COX18: variants seen among roughly 807,000 people sequenced by gnomAD.
COX18 encodes cytochrome c oxidase assembly factor COX18.
COX18 carries 45 observed loss-of-function variants against 38.0 expected under a neutral mutation model. That is an observed-to-expected ratio of 1.18 (90% CI 0.93 to 1.52). The LOEUF (loss-of-function observed/expected upper bound fraction) is 1.52. Ranked by LOEUF, COX18 falls within the 40% of genes most tolerant of loss-of-function variation. The pLI is 0.00. For missense variants in COX18, 462 were observed against 423.8 expected (o/e 1.09, Z -0.79); for synonymous variants, 177 against 169.8 (o/e 1.04, Z -0.33).
At chr4:73,060,789 A>G (rs1251523544) in intron 5 of COX18, among the ~76,000 whole-genome samples, 1 of 151,468 alleles carries the variant, frequency 6.6e-6, no homozygotes, top group Non-Finnish European at 1.5e-5. Context: ...CTGAGGGAGG[A>G]GAACCACTTG....
chr4:73,069,728 C>T (rs760030242), upstream of COX18: 7 of 1,362,870 alleles, frequency 5.1e-6, no homozygotes, highest in African/African-American at 1.4e-5. Context: ...CTGATACGCG[C>T]ACGCGCCAGC....
intron 1 of COX18, 141 bp from the exon 2 acceptor site, chr4:73,068,270 A>T (rs1560477103): frequency 3.5e-6 from 2 of 576,632 alleles, no homozygotes; most frequent in Non-Finnish European, 5.9e-6. Context: ...TAAGCACAAG[A>T]TGTTAATTTG....
At chr4:73,063,106 A>C (rs2110053855) in intron 4 of COX18, among the ~76,000 whole-genome samples, 1 of 152,232 alleles carries the variant, frequency 6.6e-6, no homozygotes, top group South Asian at 2.1e-4. Flanking sequence ...GGAGTTCCAG[A>C]CCAGCCTGGC....
intron 5 of COX18, 68 bp downstream of exon 5, chr4:73,061,745 C>T: frequency 2.3e-6 from 2 of 876,962 alleles, no homozygotes; most frequent in Non-Finnish European, 3.6e-6. Flanking sequence ...AGGCAGGATC[C>T]CAGCCAGTCT....
intron 3 of COX18, 129 bp from the exon 4 acceptor site, chr4:73,065,031 T>C (rs1477636544): frequency 5.9e-6 from 6 of 1,013,352 alleles, no homozygotes; most frequent in Non-Finnish European, 7.2e-6. Context: ...ACTGGATTTA[T>C]TCCAGTTTTT....
intron 5 of COX18, among the ~76,000 whole-genome samples, chr4:73,059,603 T>C (rs1195362726): frequency 6.6e-6 from 1 of 152,214 alleles, no homozygotes. Flanking sequence ...TAAGTGACCT[T>C]GGATGAGTTA....
In COX18 at chr4:73,069,583, G is replaced by A. The variant is rs755967507; in HGVS notation, c.67C>T (p.Leu23=). ...CTCGTAGGAACCGGCGCAAGCGGCA[G>A]GTCCCTAGCCCAAAGCTGCAGGGCA... ...LPALQLWARD[L]PLAPVPTSGA... Residue 23 remains leucine (L), a synonymous_variant, in exon 1 of 6, where the codon CTG becomes TTG. Transcript: ENST00000507544. The A allele has an allele frequency of 2.6e-6, 4 of 1,560,390 alleles. No individual in the cohort carries two copies. Among genetic ancestry groups the A allele is most frequent in the Non-Finnish European group, 3.5e-6 (4 of 1,154,234 alleles).
intron 5 of COX18, 42 bp from the exon 6 acceptor site, chr4:73,058,329 A>G: frequency 4.2e-6 from 6 of 1,423,728 alleles, no homozygotes; most frequent in Non-Finnish European, 5.9e-6. Flanking sequence ...GTAATTCTAC[A>G]AGGACATCAC....
chr4:73,069,240 A>C (rs1482237862), intron 1 of COX18, 77 bp downstream of exon 1: 2 of 1,108,214 alleles, frequency 1.8e-6, no homozygotes, highest in African/African-American at 3.2e-5. Context: ...TGCGATCGAA[A>C]ACCCTGAGTG....
chr4:73,064,906 A>G lies in COX18; in HGVS notation c.599-4T>C, dbSNP rs1307822171. ...TGTTCCTGAACAGAAAAACCTGCTA[A>G]AACAGTTTTATAAATAAAACAATAG... On this transcript the variant is annotated splice_polypyrimidine_tract_variant and splice_region_variant and intron_variant, in intron 3 of 5. Transcript: ENST00000507544. 6 of 1,612,830 alleles carry G rather than the reference A, an allele frequency of 3.7e-6. No homozygotes were observed. The highest frequency in any genetic ancestry group is 5.1e-6 in the Non-Finnish European group (6 of 1,179,502).
intron 2 of COX18, 65 bp downstream of exon 2, chr4:73,067,964 G>A (rs1296700847): frequency 3.5e-5 from 26 of 750,404 alleles, no homozygotes; most frequent in Middle Eastern, 2.5e-4. Context: ...ATGTGTGTGT[G>A]TGTGTGTGTG....
chr4:73,063,178 C>T lies in COX18; in HGVS notation c.724-1258G>A, dbSNP rs140895013. On this transcript the variant is annotated intron_variant, in intron 4 of 5. Transcript: ENST00000507544. ...AAAATTAGCTGGGTGTGTTGGCGGG[C>T]GCCTGTAATCCCAGCTACTCGAGAG... Among the ~76,000 whole-genome samples the T allele has an allele frequency of 5.3e-5, 8 of 151,934 alleles. No individual in the cohort carries two copies. The East Asian group carries it at 9.8e-4, about 19-fold the overall frequency.
At position 73,069,355 on chromosome 4, in the gene COX18, G is replaced by C. The variant is rs777678885; in HGVS notation, c.295C>G (p.Leu99Val). 94 of 1,552,922 alleles carry C rather than the reference G, an allele frequency of 6.1e-5. No homozygotes were observed. Among genetic ancestry groups the C allele is most frequent in the African/African-American group, 1.4e-4 (10 of 73,374 alleles). ...STVALRGAVT[L>V]PLAAYQHYIL... is the part of the protein sequence containing the mutation. ...TAGTGCTGGTAGGCTGCCAAAGGCA[G>C]CGTGACAGCACCCCGTAAGGCCACG... Residue 99 changes from leucine (L) to valine (V), a missense_variant, in exon 1 of 6, where the codon CTG (leucine) becomes GTG (valine). Coordinates refer to ENST00000507544, the MANE Select transcript of COX18 (RefSeq NM_001297732.2).
rs1054151122 is a variant in COX18, at chr4:73,052,475, A to G, written c.*5639T>C. On this transcript the variant is annotated 3_prime_UTR_variant, in exon 6 of 6. Coordinates refer to ENST00000507544, the MANE Select transcript of COX18 (RefSeq NM_001297732.2). ...ACTTTTGGGTAAATAAAATTATCTG[A>G]CTTTAATGCTGTGGCTTTAGGAAAT... The G allele has an allele frequency of 6.6e-6, 1 of 152,176 alleles. No homozygotes were observed. Among genetic ancestry groups the G allele is most frequent in the African/African-American group, 2.4e-5 (1 of 41,450 alleles). 9.4% of individuals were successfully genotyped at this position (152,176 alleles called of 1,614,324 possible).
chr4:73,060,595 T>C (rs2110048965), intron 5 of COX18, among the ~76,000 whole-genome samples: 1 of 152,264 alleles, frequency 6.6e-6, no homozygotes. Context: ...TAAAAAATAT[T>C]GTGGGCCAGG....
chr4:73,054,325 T>G lies in COX18; in HGVS notation c.*3789A>C, dbSNP rs1719816436. On this transcript the variant is annotated 3_prime_UTR_variant, in exon 6 of 6. Transcript: ENST00000507544. ...ACTGTTAGAAATAAGACCACAGACTTGCAATTTTCTGAAATACAATACAGA... is the reference window on the plus strand; with the variant it reads ...ACTGTTAGAAATAAGACCACAGACTGGCAATTTTCTGAAATACAATACAGA... 6.6e-6 allele frequency: 1 copy of G among 152,178 alleles called. No homozygotes were observed. Among genetic ancestry groups the G allele is most frequent in the African/African-American group, 2.4e-5 (1 of 41,430 alleles). The allele number at this position is 152,178 out of a possible 1,614,324, so 9.4% of individuals were successfully genotyped here.
Position 73,057,642 on chromosome 4 carries a change from T to G in COX18, c.*472A>C, listed in dbSNP as rs1719959087. 6.6e-6 allele frequency: 1 copy of G among 152,642 alleles called. No individual in the cohort carries two copies. The highest frequency in any genetic ancestry group is 2.4e-5 in the African/African-American group (1 of 41,408). The allele number at this position is 152,642 out of a possible 1,614,324, so 9.5% of individuals were successfully genotyped here. On this transcript the variant is annotated 3_prime_UTR_variant, in exon 6 of 6. Transcript: ENST00000507544. ...ACTGCATTTATAACATTTAAAAGAT[T>G]TTAATTACTGTCAAATATATCTGGA... is the stretch of plus-strand genomic sequence containing the variant.
In COX18 at chr4:73,058,139, T is replaced by C; in HGVS notation, c.980A>G (p.Asn327Ser). 6.2e-7 allele frequency: 1 copy of C among 1,604,158 alleles called. No homozygotes were observed. The highest frequency in any genetic ancestry group is 8.5e-7 in the Non-Finnish European group (1 of 1,175,282). ...TPYKDIFAAFNTKFISRK is the reference protein window; with the variant it reads ...TPYKDIFAAFSTKFISRK ...TCATTTTCTTGAAATGAACTTGGTA[T>C]TAAAGGCAGCAAATATGTCTTTATA... Residue 327 changes from asparagine (N) to serine (S), a missense_variant, in exon 6 of 6, where the codon AAT becomes AGT. By Grantham distance (46) the Asn-to-Ser change is conservative. Coordinates refer to ENST00000507544, the MANE Select transcript of COX18 (RefSeq NM_001297732.2).
intron 4 of COX18, 106 bp downstream of exon 4, chr4:73,064,672 A>C: frequency 3.8e-6 from 5 of 1,323,604 alleles, no homozygotes; most frequent in Non-Finnish European, 5.3e-6. Flanking sequence ...CTCACTTCTA[A>C]CTCAGAGCTA....
Sources: gnomAD v4.1 joint callset for allele counts (sites outside exome capture counted in the v4.1 genomes callset) on GRCh38, gnomAD v4.1.1 for gene constraint, MANE v1.5 for transcripts, NCBI Gene and HGNC (gene_info 2026-07-23, HGNC 2026-07-21) for gene names.